The following UNC13C variants were observed in gnomAD, a reference collection of about 807,000 sequenced individuals.
UNC13C encodes the protein protein unc-13 homolog C.
UNC13C carries 174 observed loss-of-function variants against 245.4 expected under a neutral mutation model. The ratio of observed to expected loss-of-function variants is 0.71; its 90% CI spans 0.63 to 0.80. The LOEUF is 0.80. Ranked by LOEUF, UNC13C falls within the 30% of genes least tolerant of loss-of-function variation. The pLI, the probability that UNC13C is intolerant of heterozygous loss-of-function variation, is 0.00. For synonymous variants in UNC13C, 992 were observed against 895.1 expected (o/e 1.11, Z -1.93); for missense variants, 2,829 against 2,602.9 (o/e 1.09, Z -1.89).
At chr15:53,873,335 A>G in the UNC13C span, among the ~76,000 whole-genome samples, 1 of 152,078 alleles carries the variant, frequency 6.6e-6, no homozygotes, top group Non-Finnish European at 1.5e-5. Flanking sequence ...ATCCTGTCTC[A>G]TTCCCTGACT....
At chr15:53,917,566 G>A in the UNC13C span, among the ~76,000 whole-genome samples, 5 of 152,144 alleles carry the variant, frequency 3.3e-5, no homozygotes, top group Non-Finnish European at 7.4e-5. Flanking sequence ...CTCTCCTGGT[G>A]AAAATTTTGG....
At chr15:54,483,837 C>A (rs1032878924) in intron 19 of UNC13C, among the ~76,000 whole-genome samples, 6 of 152,178 alleles carry the variant, frequency 3.9e-5, no homozygotes, top group Non-Finnish European at 8.8e-5. Context: ...AACACTCTCC[C>A]TACAATGCAA....
At chr15:54,262,628 C>A (rs1432983824) in intron 8 of UNC13C, among the ~76,000 whole-genome samples, 1 of 152,108 alleles carries the variant, frequency 6.6e-6, no homozygotes, top group Non-Finnish European at 1.5e-5. Context: ...ACAGTGTAGA[C>A]CATTTACAAT....
In UNC13C at chr15:54,500,839, A is replaced by G; in HGVS notation, c.5162A>G (p.Gln1721Arg). 1.2e-6 allele frequency: 2 copies of G among 1,612,688 alleles called. No homozygotes were observed. The highest frequency in any genetic ancestry group is 3.3e-5 in the Admixed American group (2 of 59,840). Residue 1721 changes from glutamine (Q) to arginine (R), a missense_variant, in exon 22 of 33, where the codon CAG (glutamine) becomes CGG (arginine). Gln to Arg is a conservative substitution (Grantham distance 43, BLOSUM62 1). Transcript: ENST00000260323. ...TTTCACCTCCTCTCCCCACAGTTCC[A>G]GCAGACATCTGAGCATGCTCTCTTT... ...ALGRDKKDGF[Q>R]QTSEHALFSC...
chr15:54,486,442 GA>G lies in UNC13C; in HGVS notation c.4934-8153del, dbSNP rs530405388. On this transcript the variant is annotated intron_variant, in intron 19 of 32. Coordinates refer to ENST00000260323, the MANE Select transcript of UNC13C (RefSeq NM_001080534.3). ...TGACAGAGCAAGACTCCATCTCAAA[GA>G]AAAAAAAAAAAAGAAAAAGAAAAGA... 6.8e-3 allele frequency among the ~76,000 whole-genome samples: 575 copies of G among 84,706 alleles called. 3 individuals are homozygous for G. The highest frequency in any genetic ancestry group is 0.02 in the African/African-American group (440 of 22,544). The allele number at this position is 84,706 out of a possible 152,430, so 55.6% of individuals were successfully genotyped here.
the UNC13C span, among the ~76,000 whole-genome samples, chr15:53,928,399 G>A: frequency 8.6e-3 from 1,309 of 152,274 alleles, 21 homozygotes; most frequent in African/African-American, 0.03. Flanking sequence ...GCCTTTAAGC[G>A]GTTTTCTGCC....
Position 54,312,114 on chromosome 15 carries a change from G to A in UNC13C, c.4269-9825G>A, listed in dbSNP as rs192849631. ...TTTTTAAATAACAAAAATGTATAAC[G>A]CCAACCAGAGATAACACTATGATCA... is the stretch of plus-strand genomic sequence containing the variant. On this transcript the variant is annotated intron_variant, in intron 13 of 32. Coordinates refer to ENST00000260323, the MANE Select transcript of UNC13C (RefSeq NM_001080534.3). Among the ~76,000 whole-genome samples the A allele has an allele frequency of 3.4e-3, 519 of 151,694 alleles. 3 individuals are homozygous for A. Among genetic ancestry groups the A allele is most frequent in the African/African-American group, 0.012 (486 of 41,438 alleles).
intron 2 of UNC13C, among the ~76,000 whole-genome samples, chr15:54,038,500 G>A (rs1046634019): frequency 2.6e-5 from 4 of 151,932 alleles, no homozygotes; most frequent in African/African-American, 7.3e-5. Context: ...AATTAAGGAG[G>A]CTTTAAATTA....
At chr15:54,063,032 A>C (rs996719916) in intron 2 of UNC13C, among the ~76,000 whole-genome samples, 1 of 152,228 alleles carries the variant, frequency 6.6e-6, no homozygotes, top group Admixed American at 6.5e-5. Flanking sequence ...GGATAATTGT[A>C]GTGGGAATAG....
the UNC13C span, among the ~76,000 whole-genome samples, chr15:53,932,009 G>T: frequency 6.6e-6 from 1 of 151,968 alleles, no homozygotes; most frequent in Non-Finnish European, 1.5e-5. Flanking sequence ...CTAGGTGCTG[G>T]TTTAACAGTG....
chr15:54,367,641 T>C (rs181959624), intron 17 of UNC13C, among the ~76,000 whole-genome samples: 2 of 152,300 alleles, frequency 1.3e-5, no homozygotes, highest in Admixed American at 6.5e-5. Context: ...AGAATGTAAA[T>C]GATCCAACAA....
chr15:54,630,901 T>C (rs1901444789), downstream of UNC13C: 1 of 152,212 alleles, frequency 6.6e-6, no homozygotes, highest in South Asian at 2.1e-4. Flanking sequence ...TATAATCCTT[T>C]GGCATGTTAT....
At chr15:54,382,859 G>C (rs771914320) in intron 17 of UNC13C, among the ~76,000 whole-genome samples, 1 of 152,044 alleles carries the variant, frequency 6.6e-6, no homozygotes, top group Non-Finnish European at 1.5e-5. Context: ...AAATGAAAAA[G>C]GAGACATTAT....
chr15:54,297,341 T>A (rs377023523), intron 11 of UNC13C, among the ~76,000 whole-genome samples: 21 of 150,454 alleles, frequency 1.4e-4, no homozygotes, highest in African/African-American at 4.7e-4. Context: ...TTTAGGGGAA[T>A]CATAGTTACT....
chr15:54,092,655 T>C (rs894223097), intron 2 of UNC13C, among the ~76,000 whole-genome samples: 5 of 152,184 alleles, frequency 3.3e-5, no homozygotes, highest in Non-Finnish European at 7.3e-5. Flanking sequence ...AAATACTTAA[T>C]ATCTTTAATA....
chr15:54,363,956 TGTC>T (rs2039297069), intron 17 of UNC13C, among the ~76,000 whole-genome samples: 1 of 152,166 alleles, frequency 6.6e-6, no homozygotes, highest in African/African-American at 2.4e-5. Context: ...GCCCAACAAG[TGTC>T]ATACATTTGC....
At chr15:54,278,619 A>G (rs1240344501) in intron 10 of UNC13C, among the ~76,000 whole-genome samples, 1 of 152,152 alleles carries the variant, frequency 6.6e-6, no homozygotes, top group African/African-American at 2.4e-5. Context: ...ATCTTTAATA[A>G]TCAGACTAGG....
At chr15:54,527,333 C>T (rs1895515383) in intron 25 of UNC13C, among the ~76,000 whole-genome samples, 1 of 152,046 alleles carries the variant, frequency 6.6e-6, no homozygotes, top group Non-Finnish European at 1.5e-5. Flanking sequence ...AGCAGAAAGA[C>T]TGTTGCCTTC....
Position 54,215,829 on chromosome 15 carries a change from C to A in UNC13C, c.3072-19201C>A, listed in dbSNP as rs2035022617. On this transcript the variant is annotated intron_variant, in intron 4 of 32. Coordinates refer to ENST00000260323, the MANE Select transcript of UNC13C (RefSeq NM_001080534.3). ...CTGTCTCCTTTATTTGTCCTCCAAT[C>A]CATCATGAAAAGCACTGCCAGACTA... 2.0e-5 allele frequency among the ~76,000 whole-genome samples: 3 copies of A among 152,072 alleles called. 1 individual carries two copies. In the South Asian group the frequency reaches 6.2e-4, roughly 32 times the overall value.
Sources: gnomAD v4.1 joint callset for allele counts (sites outside exome capture counted in the v4.1 genomes callset) on GRCh38, gnomAD v4.1.1 for gene constraint, MANE v1.5 for transcripts, NCBI Gene and HGNC (gene_info 2026-07-23, HGNC 2026-07-21) for gene names.